RUBCNL: variants seen among roughly 807,000 people sequenced by gnomAD.
The protein encoded by RUBCNL is rubicon like autophagy enhancer.
A neutral mutation model predicts 69.5 loss-of-function variants in RUBCNL; 62 were observed. That is an observed-to-expected ratio of 0.89 (90% CI 0.73 to 1.10). RUBCNL has a LOEUF of 1.10. RUBCNL is among the 50% of genes least tolerant of loss of function. RUBCNL has a pLI of 0.00. For synonymous variants in RUBCNL, 291 were observed against 303.6 expected (o/e 0.96, Z 0.43); for missense variants, 768 against 798.1 (o/e 0.96, Z 0.45).
chr13:46,349,737 T>A (rs904208073), intron 11 of RUBCNL, among the ~76,000 whole-genome samples: 1 of 151,736 alleles, frequency 6.6e-6, no homozygotes, highest in African/African-American at 2.4e-5. Flanking sequence ...AGTGCAGTAG[T>A]GCAATCTCGG....
intron 8 of RUBCNL, 22 bp from the exon 9 acceptor site, chr13:46,359,653 T>A: frequency 6.5e-7 from 1 of 1,536,010 alleles, no homozygotes. Flanking sequence ...ATAAAATGAT[T>A]TAGGAACAAC....
chr13:46,363,346 T>TA (rs60448065), intron 5 of RUBCNL, 133 bp from the exon 6 acceptor site: 48,794 of 346,966 alleles, frequency 0.14, 4,308 homozygotes, highest in African/African-American at 0.25. Flanking sequence ...CATTTCAACT[T>TA]AAAGAATTAA....
At chr13:46,388,336 CAAGG>C (rs201163231), upstream of RUBCNL, among the ~76,000 whole-genome samples, 644 of 135,454 alleles carry the variant, frequency 4.8e-3, 5 homozygotes, top group Middle Eastern at 0.014. Context: ...GAACCTAAGC[CAAGG>C]AAGGAAGGAA....
chr13:46,337,323 A>C lies in RUBCNL; in HGVS notation c.*6062T>G, dbSNP rs1236818444. Among the ~76,000 whole-genome samples the C allele has an allele frequency of 5.9e-5, 9 of 151,898 alleles. No individual in the cohort carries two copies. Among genetic ancestry groups the C allele is most frequent in the African/African-American group, 2.2e-4 (9 of 41,326 alleles). Reference sequence around the variant, plus strand: ...ACACCTAATTTTTGTATTTTTAGTAAAGACTGGGTTTCACCATGTTGGCCA... The same window carrying C: ...ACACCTAATTTTTGTATTTTTAGTACAGACTGGGTTTCACCATGTTGGCCA... On this transcript the variant is annotated 3_prime_UTR_variant, in exon 15 of 15. Transcript: ENST00000429979.
intron 8 of RUBCNL, 144 bp downstream of exon 8, chr13:46,361,297 C>T: frequency 2.7e-6 from 2 of 744,416 alleles, no homozygotes; most frequent in South Asian, 3.8e-5. Flanking sequence ...AAGTACTCAA[C>T]ACATGCCAGT....
intron 9 of RUBCNL, among the ~76,000 whole-genome samples, chr13:46,357,783 C>A (rs1336399284): frequency 6.6e-6 from 1 of 151,996 alleles, no homozygotes; most frequent in East Asian, 1.9e-4. Flanking sequence ...GCATGCACCA[C>A]CATGCCCGGC....
At position 46,349,645 on chromosome 13, in the gene RUBCNL, C is replaced by A. The variant is rs1022436214; in HGVS notation, c.1570-298G>T. Among the ~76,000 whole-genome samples, 3 of 150,980 alleles carry A rather than the reference C, an allele frequency of 2.0e-5. No homozygotes were observed. The South Asian group carries it at 6.3e-4, about 31-fold the overall frequency. On this transcript the variant is annotated intron_variant, in intron 11 of 14. Transcript: ENST00000429979. ...TGTGGGGCCTTGGAAAGAGCCTGTG[C>A]AGGAGAGGGGCTCCAAAGTGTAAGC...
At chr13:46,387,631 A>G (rs2138872193), upstream of RUBCNL, 1 of 985,516 alleles carries the variant, frequency 1.0e-6, no homozygotes, top group East Asian at 1.1e-4. Flanking sequence ...GAAATGAAGA[A>G]TGAGTAATCT....
chr13:46,387,261 G>C (rs770088828), upstream of RUBCNL: 53 of 985,270 alleles, frequency 5.4e-5, no homozygotes, highest in Middle Eastern at 1.0e-3. Context: ...GGAGGGAGGA[G>C]AGCTACCGAG....
Position 46,340,974 on chromosome 13 carries a change from C to A in RUBCNL, c.*2411G>T, listed in dbSNP as rs182225763. 7.2e-5 allele frequency among the ~76,000 whole-genome samples: 11 copies of A among 152,272 alleles called. No homozygotes were observed. Among genetic ancestry groups the A allele is most frequent in the African/African-American group, 2.4e-4 (10 of 41,540 alleles). On this transcript the variant is annotated 3_prime_UTR_variant, in exon 15 of 15. Transcript: ENST00000429979. ...AAGCCAAACTAGAGCACCAAGTCAC[C>A]ATGGGTAGGTAGAAAGTGGCATATT...
chr13:46,353,342 G>C lies in RUBCNL; in HGVS notation c.1331-2991C>G, dbSNP rs769241069. Among the ~76,000 whole-genome samples, 192 of 152,270 alleles carry C rather than the reference G, an allele frequency of 1.3e-3. 1 individual carries two copies. Among genetic ancestry groups the C allele is most frequent in the Non-Finnish European group, 2.1e-3 (142 of 68,018 alleles). On this transcript the variant is annotated intron_variant, in intron 10 of 14. Coordinates refer to ENST00000429979, the MANE Select transcript of RUBCNL (RefSeq NM_025113.5). ...AGGGTTAGGCACCTGTGAGCTTCTG[G>C]TAGCAACAGTTTCATCTACTCCTCA...
intron 8 of RUBCNL, 114 bp downstream of exon 8, chr13:46,361,327 C>G (rs2048605001): frequency 2.7e-6 from 3 of 1,093,472 alleles, no homozygotes; most frequent in Non-Finnish European, 3.9e-6. Context: ...CATTTTGAGT[C>G]TCCCCTAATA....
intron 9 of RUBCNL, among the ~76,000 whole-genome samples, chr13:46,358,896 CTAAGAT>C (rs993669536): frequency 1.3e-5 from 2 of 152,120 alleles, no homozygotes; most frequent in African/African-American, 4.8e-5. Context: ...AGTGCTTTCC[CTAAGAT>C]TAAATGTTCC....
In RUBCNL at chr13:46,336,477, A is replaced by G. The variant is rs2048105789; in HGVS notation, c.*6908T>C. 6.6e-6 allele frequency among the ~76,000 whole-genome samples: 1 copy of G among 152,206 alleles called. No individual in the cohort carries two copies. Among genetic ancestry groups the G allele is most frequent in the Admixed American group, 6.5e-5 (1 of 15,286 alleles). On this transcript the variant is annotated 3_prime_UTR_variant, in exon 15 of 15. Coordinates refer to ENST00000429979, the MANE Select transcript of RUBCNL (RefSeq NM_025113.5). ...GTAAAATTTACAAAGAAAATTTTTG[A>G]AAATTATTCTAATCCCACTATACAG...
intron 8 of RUBCNL, among the ~76,000 whole-genome samples, chr13:46,360,897 C>T (rs1050811762): frequency 6.6e-6 from 1 of 152,164 alleles, no homozygotes; most frequent in Admixed American, 6.6e-5. Flanking sequence ...ATAAGGACAG[C>T]CTCTACCTAA....
chr13:46,368,613 A>C, intron 4 of RUBCNL, 120 bp downstream of exon 4: 1 of 1,299,674 alleles, frequency 7.7e-7, no homozygotes. Flanking sequence ...CATCAATCAA[A>C]TGCTGAAAGG....
chr13:46,349,432 T>G, intron 11 of RUBCNL, 85 bp from the exon 12 acceptor site: 2 of 1,319,688 alleles, frequency 1.5e-6, no homozygotes, highest in African/African-American at 1.4e-5. Context: ...ATGTTATTTC[T>G]AAGCTTGAAA....
rs191839310 is a variant in RUBCNL, at chr13:46,385,242, C to G, written c.-239+1892G>C. 273 of 977,226 alleles carry G rather than the reference C, an allele frequency of 2.8e-4. 5 individuals carry two copies. In the East Asian group the frequency reaches 0.011, roughly 40 times the overall value. The allele number at this position is 977,226 out of a possible 1,614,324, so 60.5% of individuals were successfully genotyped here. On this transcript the variant is annotated intron_variant, in intron 1 of 14. Transcript: ENST00000429979. ...ACTTTCAGTTCAGAATAAGACAGCACAGTTACAGAGACCTGGTTTTATTTT... is the reference window on the plus strand; with the variant it reads ...ACTTTCAGTTCAGAATAAGACAGCAGAGTTACAGAGACCTGGTTTTATTTT...
intron 1 of RUBCNL, among the ~76,000 whole-genome samples, chr13:46,384,449 C>G (rs2049190801): frequency 6.6e-6 from 1 of 152,132 alleles, no homozygotes; most frequent in South Asian, 2.1e-4. Context: ...TATACTTACT[C>G]TATAATTGTA....
Sources: allele counts gnomAD v4.1 joint callset (sites outside exome capture counted in the v4.1 genomes callset), GRCh38; gene constraint gnomAD v4.1.1; transcripts MANE v1.5; gene names NCBI Gene and HGNC (gene_info 2026-07-23, HGNC 2026-07-21).